Variants in LIPK observed in about 807,000 individuals in gnomAD.
LIPK encodes the protein lipase member K.
A neutral mutation model predicts 48.6 loss-of-function variants in LIPK; 32 were observed. That is an observed-to-expected ratio of 0.66 (90% CI 0.50 to 0.88). LIPK has a LOEUF of 0.88. Ranked by LOEUF, LIPK falls within the 40% of genes least tolerant of loss-of-function variation. The pLI is 0.00. For synonymous variants in LIPK, 164 were observed against 157.4 expected (o/e 1.04, Z -0.32); for missense variants, 507 against 478.5 (o/e 1.06, Z -0.56).
chr10:88,742,012 G>A (rs908786313), intron 8 of LIPK, among the ~76,000 whole-genome samples: 18 of 152,186 alleles, frequency 1.2e-4, no homozygotes, highest in African/African-American at 2.7e-4. Flanking sequence ...ATCAATCACC[G>A]TGGAAAGTGA....
At chr10:88,723,002 AG>A (rs561556429) in intron 1 of LIPK, among the ~76,000 whole-genome samples, 5 of 146,438 alleles carry the variant, frequency 3.4e-5, no homozygotes, top group Non-Finnish European at 7.4e-5. Context: ...CTCTCACCTC[AG>A]CCCCATGAGT....
intron 9 of LIPK, 72 bp from the exon 10 acceptor site, chr10:88,752,445 C>T: frequency 9.0e-7 from 1 of 1,106,140 alleles, no homozygotes; most frequent in South Asian, 1.5e-5. Context: ...TGCTCAACAG[C>T]TGACAGTTAA....
At chr10:88,750,636 C>A (rs932557220) in intron 9 of LIPK, among the ~76,000 whole-genome samples, 2 of 152,076 alleles carry the variant, frequency 1.3e-5, no homozygotes, top group Admixed American at 6.6e-5. Flanking sequence ...ACAATAGACA[C>A]TGGGGCCTAC....
At chr10:88,721,674 C>CTGT (rs1386161056) in intron 1 of LIPK, among the ~76,000 whole-genome samples, 4 of 152,198 alleles carry the variant, frequency 2.6e-5, no homozygotes, top group Non-Finnish European at 1.5e-5. Context: ...TGCAACATTA[C>CTGT]AACACCGACA....
chr10:88,708,404 T>C (rs1590125264), intron 1 of LIPK, among the ~76,000 whole-genome samples: 1 of 152,124 alleles, frequency 6.6e-6, no homozygotes, highest in African/African-American at 2.4e-5. Context: ...ATTCTTCTAG[T>C]CTTTTGAAGA....
At chr10:88,746,444 A>G (rs1842767443) in intron 9 of LIPK, among the ~76,000 whole-genome samples, 1 of 152,196 alleles carries the variant, frequency 6.6e-6, no homozygotes, top group Admixed American at 6.5e-5. Context: ...GAATCACAGT[A>G]CAATAAAAGT....
Position 88,722,889 on chromosome 10 carries a change from C to CTT in LIPK, c.-11-1633_-11-1632dup, listed in dbSNP as rs398014386. On this transcript the variant is annotated intron_variant, in intron 1 of 9. Transcript: ENST00000404190. ...AATTGTTTTTCTTCTTTTCTTTTTT[C>CTT]TTTTTTTTTTTTGACAGGGTTTCAC... is the stretch of plus-strand genomic sequence containing the variant. Among the ~76,000 whole-genome samples the CTT allele has an allele frequency of 4.8e-3, 547 of 113,168 alleles. 27 individuals are homozygous for CTT. The highest frequency in any genetic ancestry group is 0.018 in the African/African-American group (501 of 27,556). The allele number at this position is 113,168 out of a possible 152,430, so 74.2% of individuals were successfully genotyped here.
At chr10:88,728,517 G>C (rs1163520610) in intron 3 of LIPK, 1 of 287,078 alleles carries the variant, frequency 3.5e-6, no homozygotes, top group East Asian at 9.4e-5. Flanking sequence ...AGGACTCAAC[G>C]CTGAGCCTGC....
At chr10:88,739,630 C>T (rs1769701) in intron 7 of LIPK, among the ~76,000 whole-genome samples, 33,111 of 151,914 alleles carry the variant, frequency 0.22, 3,774 homozygotes, top group East Asian at 0.37. Flanking sequence ...CTGAGGCAGG[C>T]GGATCACGAG....
In LIPK at chr10:88,711,052, C is replaced by T. The variant is rs976790148; in HGVS notation, c.-12+4732C>T. Among the ~76,000 whole-genome samples, 20 of 152,250 alleles carry T rather than the reference C, an allele frequency of 1.3e-4. No homozygotes were observed. The East Asian group carries it at 3.7e-3, about 28-fold the overall frequency. ...CTTTGCATTTCTTTCTGATGACTAA[C>T]AATGTTGAACATCTTTTCTTGTGTT... is the stretch of plus-strand genomic sequence containing the variant. On this transcript the variant is annotated intron_variant, in intron 1 of 9. Coordinates refer to ENST00000404190, the MANE Select transcript of LIPK (RefSeq NM_001080518.2).
intron 6 of LIPK, among the ~76,000 whole-genome samples, chr10:88,734,390 A>G (rs1842528052): frequency 6.6e-6 from 1 of 152,202 alleles, no homozygotes; most frequent in African/African-American, 2.4e-5. Flanking sequence ...CACATAACTC[A>G]CTTTACTGGA....
At chr10:88,718,623 G>C (rs556151636) in intron 1 of LIPK, among the ~76,000 whole-genome samples, 19 of 151,920 alleles carry the variant, frequency 1.3e-4, no homozygotes, top group African/African-American at 3.1e-4. Context: ...TTCCTCTCTT[G>C]TAATCTTCCA....
At chr10:88,729,257 G>GTT (rs753349362) in intron 3 of LIPK, among the ~76,000 whole-genome samples, 2 of 28,766 alleles carry the variant, frequency 7.0e-5, no homozygotes, top group African/African-American at 3.3e-4. Context: ...TCTGTTGGGG[G>GTT]GGGGGGGCGG....
At chr10:88,731,591 T>A (rs907901558) in intron 4 of LIPK, among the ~76,000 whole-genome samples, 3 of 152,176 alleles carry the variant, frequency 2.0e-5, no homozygotes, top group Non-Finnish European at 4.4e-5. Flanking sequence ...GCCTTGGAGG[T>A]CATGAAAATC....
intron 2 of LIPK, 134 bp downstream of exon 2, chr10:88,724,782 C>A: frequency 1.6e-6 from 1 of 628,680 alleles, no homozygotes; most frequent in Non-Finnish European, 2.8e-6. Flanking sequence ...TCTCCTGTTT[C>A]TTGATATGGC....
At position 88,726,875 on chromosome 10, in the gene LIPK, T is replaced by C. The variant is rs576291173; in HGVS notation, c.186T>C (p.Tyr62=). 1.5e-4 allele frequency: 247 copies of C among 1,604,128 alleles called. 4 individuals carry two copies. Among genetic ancestry groups the C allele is most frequent in the South Asian group, 1.5e-3 (136 of 89,766 alleles). ...TTKDGYILGI[Y]RIPHGRGCPG... ...AAGATGGTTATATCCTTGGAATTTATAGGATTCCACATGGAAGAGGATGCC... is the reference window on the plus strand; with the variant it reads ...AAGATGGTTATATCCTTGGAATTTACAGGATTCCACATGGAAGAGGATGCC... Residue 62 remains tyrosine (Y), a synonymous_variant, in exon 3 of 10, where the codon TAT becomes TAC. Transcript: ENST00000404190.
At chr10:88,739,535 T>C (rs920006466) in intron 7 of LIPK, among the ~76,000 whole-genome samples, 1 of 152,166 alleles carries the variant, frequency 6.6e-6, no homozygotes, top group Non-Finnish European at 1.5e-5. Flanking sequence ...GTCTTCAGAT[T>C]ATATGGTACA....
intron 8 of LIPK, among the ~76,000 whole-genome samples, chr10:88,740,811 C>T (rs895828492): frequency 1.3e-5 from 2 of 151,892 alleles, no homozygotes; most frequent in Non-Finnish European, 2.9e-5. Flanking sequence ...ATCTGAGACC[C>T]CCCCCCAACC....
intron 9 of LIPK, among the ~76,000 whole-genome samples, chr10:88,745,308 C>T (rs2045402467): frequency 6.6e-6 from 1 of 152,012 alleles, no homozygotes; most frequent in Non-Finnish European, 1.5e-5. Flanking sequence ...TATAAGACAA[C>T]CATCCCCAAG....
Sources: gnomAD v4.1 joint callset for allele counts (sites outside exome capture counted in the v4.1 genomes callset) on GRCh38, gnomAD v4.1.1 for gene constraint, MANE v1.5 for transcripts, NCBI Gene and HGNC (gene_info 2026-07-23, HGNC 2026-07-21) for gene names.